The following PTPRM variants were observed in gnomAD, a reference collection of about 807,000 sequenced individuals.
The protein encoded by PTPRM is receptor-type tyrosine-protein phosphatase mu.
PTPRM carries 47 observed loss-of-function variants against 186.7 expected under a neutral mutation model. That is an observed-to-expected ratio of 0.25 (90% CI 0.20 to 0.32). The LOEUF (loss-of-function observed/expected upper bound fraction) is 0.32. Ranked by LOEUF, PTPRM falls within the 10% of genes least tolerant of loss-of-function variation. The probability of loss-of-function intolerance (pLI) is 1.00; values close to 1 mark genes in which losing one functional copy is unlikely to be tolerated. For synonymous variants in PTPRM, 668 were observed against 674.9 expected (o/e 0.99, Z 0.16); for missense variants, 1,494 against 1,865.0 (o/e 0.80, Z 3.66).
At chr18:8,219,479 A>C (rs1001548111) in intron 14 of PTPRM, among the ~76,000 whole-genome samples, 4 of 147,606 alleles carry the variant, frequency 2.7e-5, no homozygotes, top group African/African-American at 7.4e-5. Flanking sequence ...AAAAAAAAAA[A>C]CTTATTCTGA....
chr18:7,996,798 CAAA>C (rs202230386), intron 7 of PTPRM, among the ~76,000 whole-genome samples: 1 of 117,610 alleles, frequency 8.5e-6, no homozygotes, highest in Non-Finnish European at 1.8e-5. Flanking sequence ...CAGTAGTTAC[CAAA>C]AAAAAAAAAA....
rs200364748 is a variant in PTPRM, at chr18:8,253,304, G to C, written c.2644G>C (p.Val882Leu). Residue 882 changes from valine to leucine, a missense_variant, in exon 19 of 33, where the codon GTG becomes CTG. Val to Leu is a conservative substitution (Grantham distance 32). Around this residue, in one of 3 missense-constraint regions of PTPRM, gnomAD observed 1,107 missense variants for 1,350.2 expected, o/e 0.82. Transcript: ENST00000580170. ...HTYKKREPAD[V>L]PYQTGQLHPA... Reference sequence around the variant, plus strand: ...TTACAAGAAGCGAGAGCCGGCCGACGTGCCCTATCAGACTGGGCAGCTCCA... The same window carrying C: ...TTACAAGAAGCGAGAGCCGGCCGACCTGCCCTATCAGACTGGGCAGCTCCA... 1 of 1,597,838 alleles carries C rather than the reference G, an allele frequency of 6.3e-7. No individual in the cohort carries two copies. Among genetic ancestry groups the C allele is most frequent in the Non-Finnish European group, 8.5e-7 (1 of 1,172,374 alleles).
At chr18:7,849,969 C>A (rs1376991619) in intron 2 of PTPRM, among the ~76,000 whole-genome samples, 1 of 152,172 alleles carries the variant, frequency 6.6e-6, no homozygotes, top group Non-Finnish European at 1.5e-5. Context: ...TAAACACATT[C>A]ATGTGTTTTA....
At chr18:7,816,492 A>G (rs575081047) in intron 2 of PTPRM, among the ~76,000 whole-genome samples, 1 of 152,360 alleles carries the variant, frequency 6.6e-6, no homozygotes, top group South Asian at 2.1e-4. Context: ...GCACTTAAAA[A>G]TTAAGTGGTA....
intron 1 of PTPRM, among the ~76,000 whole-genome samples, chr18:7,671,018 C>A (rs1199125697): frequency 6.6e-6 from 1 of 152,050 alleles, no homozygotes; most frequent in Admixed American, 6.6e-5. Context: ...AAGTTGATGA[C>A]CTTTAGATTT....
At chr18:7,821,941 CATG>C (rs1274881904) in intron 2 of PTPRM, among the ~76,000 whole-genome samples, 1 of 152,160 alleles carries the variant, frequency 6.6e-6, no homozygotes, top group East Asian at 1.9e-4. Context: ...AAATTTGCCC[CATG>C]ATATTTTTGG....
intron 1 of PTPRM, among the ~76,000 whole-genome samples, chr18:7,758,066 G>C (rs1407976566): frequency 6.6e-6 from 1 of 152,140 alleles, no homozygotes; most frequent in Non-Finnish European, 1.5e-5. Context: ...CAACAATTCT[G>C]ATTCCGTAAA....
At chr18:7,984,904 T>C (rs1249757517) in intron 7 of PTPRM, among the ~76,000 whole-genome samples, 2 of 124,444 alleles carry the variant, frequency 1.6e-5, no homozygotes, top group Non-Finnish European at 3.1e-5. Flanking sequence ...TATAAATATA[T>C]ACATATAATT....
intron 7 of PTPRM, among the ~76,000 whole-genome samples, chr18:7,972,416 C>A (rs2054593566): frequency 2.0e-5 from 2 of 99,280 alleles, no homozygotes; most frequent in African/African-American, 4.9e-5. Context: ...ACATATGTAA[C>A]TAACCTGCAC....
chr18:7,613,382 T>C (rs893840906), intron 1 of PTPRM, among the ~76,000 whole-genome samples: 7 of 152,134 alleles, frequency 4.6e-5, no homozygotes, highest in African/African-American at 1.4e-4. Flanking sequence ...TTGAAATAAA[T>C]TGAAAATACC....
intron 14 of PTPRM, among the ~76,000 whole-genome samples, chr18:8,206,355 C>G (rs2093930699): frequency 6.6e-6 from 1 of 151,982 alleles, no homozygotes; most frequent in Non-Finnish European, 1.5e-5. Context: ...CCTGGGTTCA[C>G]ACCATTCTCC....
chr18:7,818,001 A>C (rs1274619551), intron 2 of PTPRM, among the ~76,000 whole-genome samples: 1 of 152,050 alleles, frequency 6.6e-6, no homozygotes, highest in Non-Finnish European at 1.5e-5. Context: ...TCTGTCCTTA[A>C]CCTCACACTC....
chr18:7,990,840 G>A (rs34861291), intron 7 of PTPRM, among the ~76,000 whole-genome samples: 51,357 of 152,022 alleles, frequency 0.34, 9,593 homozygotes, highest in Non-Finnish European at 0.43. Context: ...CCTGGGGGAC[G>A]GGGGATGGGT....
chr18:7,949,150 C>T, intron 5 of PTPRM, 31 bp from the exon 6 acceptor site: 1 of 1,535,296 alleles, frequency 6.5e-7, no homozygotes. Context: ...TATATTGCTT[C>T]TTTTTGTCCT....
At chr18:7,877,455 G>A (rs994512986) in intron 2 of PTPRM, among the ~76,000 whole-genome samples, 2 of 152,160 alleles carry the variant, frequency 1.3e-5, no homozygotes, top group Non-Finnish European at 2.9e-5. Context: ...CTTGAAGTAA[G>A]AACTCTGTTA....
intron 7 of PTPRM, among the ~76,000 whole-genome samples, chr18:8,012,029 G>A (rs1020820299): frequency 2.0e-5 from 3 of 152,162 alleles, no homozygotes; most frequent in East Asian, 3.9e-4. Context: ...TGTTGCCACC[G>A]TGGTTTCCCT....
At chr18:8,171,472 C>T (rs1162885661) in intron 14 of PTPRM, among the ~76,000 whole-genome samples, 4 of 152,184 alleles carry the variant, frequency 2.6e-5, no homozygotes, top group Non-Finnish European at 5.9e-5. Flanking sequence ...GGAAATGTCA[C>T]TCTGTAAACA....
intron 7 of PTPRM, among the ~76,000 whole-genome samples, chr18:7,984,519 T>A (rs1428183644): frequency 6.8e-6 from 1 of 146,276 alleles, no homozygotes; most frequent in Non-Finnish European, 1.5e-5. Flanking sequence ...TTAATTTTTT[T>A]AATTTTTAAT....
At chr18:8,095,783 GA>G (rs1465580600) in intron 11 of PTPRM, among the ~76,000 whole-genome samples, 1 of 151,842 alleles carries the variant, frequency 6.6e-6, no homozygotes, top group Non-Finnish European at 1.5e-5. Flanking sequence ...GTCCTTTTTA[GA>G]AGGAAAAAAA....
Sources: allele counts gnomAD v4.1 joint callset (sites outside exome capture counted in the v4.1 genomes callset), GRCh38; gene constraint gnomAD v4.1.1; regional missense constraint gnomAD v4.1.1; transcripts MANE v1.5; gene names NCBI Gene and HGNC (gene_info 2026-07-23, HGNC 2026-07-21).